The following DNAH6 variants were observed in gnomAD, a reference collection of about 807,000 sequenced individuals.
DNAH6 encodes the protein axonemal beta dynein heavy chain 6.
Under a neutral mutation model 491.4 loss-of-function variants are expected in DNAH6, and 340 were observed. That is an observed-to-expected ratio of 0.69 (90% CI 0.63 to 0.76). The LOEUF (loss-of-function observed/expected upper bound fraction) is 0.76, where lower values mean the gene tolerates loss of function less well. DNAH6 is among the 30% of genes least tolerant of loss of function. The pLI is 0.00. For synonymous variants in DNAH6, 1,603 were observed against 1,686.1 expected, an observed-to-expected ratio of 0.95 and a Z score of 1.21; for missense variants, 4,443 against 4,972.2, an observed-to-expected ratio of 0.89 and a Z score of 3.20.
chr2:84,604,995 G>A (rs895434030), intron 19 of DNAH6, among the ~76,000 whole-genome samples: 1 of 152,134 alleles, frequency 6.6e-6, no homozygotes, highest in South Asian at 2.1e-4. Context: ...ATGTGTTAAT[G>A]TCAATCAAAT....
At chr2:84,818,402 C>T (rs1057430778) in intron 76 of DNAH6, among the ~76,000 whole-genome samples, 1 of 140,066 alleles carries the variant, frequency 7.1e-6, no homozygotes, top group Non-Finnish European at 1.5e-5. Context: ...GCAGGAGGAT[C>T]GCTTGAGTCC....
At chr2:84,648,644 G>T (rs1690123398) in intron 33 of DNAH6, among the ~76,000 whole-genome samples, 1 of 152,204 alleles carries the variant, frequency 6.6e-6, no homozygotes, top group South Asian at 2.1e-4. Context: ...TAGAAGTGGA[G>T]CCTGAAGATG....
At chr2:84,617,768 C>A (rs1687017505) in intron 23 of DNAH6, among the ~76,000 whole-genome samples, 1 of 151,952 alleles carries the variant, frequency 6.6e-6, no homozygotes, top group African/African-American at 2.4e-5. Flanking sequence ...GAGCAATTTT[C>A]TTTAGATTAA....
chr2:84,504,752 G>T, the DNAH6 span, among the ~76,000 whole-genome samples: 8 of 152,152 alleles, frequency 5.3e-5, no homozygotes, highest in African/African-American at 1.9e-4. Context: ...ACACTGTTTT[G>T]ATAATTGTAG....
In DNAH6 at chr2:84,611,819, G is replaced by C. The variant is rs766033482; in HGVS notation, c.3440G>C (p.Arg1147Pro). The C allele has an allele frequency of 6.4e-7, 1 of 1,550,938 alleles. No homozygotes were observed. The highest frequency in any genetic ancestry group is 1.7e-4 in the Middle Eastern group (1 of 5,986). The change falls in exon 22 of 77, where the codon CGG becomes CCG. Residue 1147 changes from arginine to proline, a missense_variant. Transcript: ENST00000389394. ...AAAGAAATCATGAGAAAGGTGAATC[G>C]GCTGCCTAATGCTCTTCGAGCCGCT... ...SWKEIMRKVN[R>P]LPNALRAATQ...
chr2:84,626,039 G>A (rs1021296080), intron 29 of DNAH6, among the ~76,000 whole-genome samples: 5 of 152,026 alleles, frequency 3.3e-5, no homozygotes, highest in Admixed American at 3.3e-4. Context: ...ATACTCTCAT[G>A]AGAGAGTGAG....
chr2:84,495,625 C>T, the DNAH6 span, among the ~76,000 whole-genome samples: 1 of 152,142 alleles, frequency 6.6e-6, no homozygotes, highest in East Asian at 1.9e-4. Context: ...ATTATTAATT[C>T]TCATAACTAA....
chr2:84,784,833 A>G (rs1677025380), intron 66 of DNAH6, 23 bp downstream of exon 66: 2 of 1,469,566 alleles, frequency 1.4e-6, no homozygotes, highest in Non-Finnish European at 1.9e-6. Flanking sequence ...TATGGTTGGA[A>G]CAATGTGAAA....
intron 75 of DNAH6, 51 bp downstream of exon 75, chr2:84,814,173 T>G (rs1444817444): frequency 6.6e-7 from 1 of 1,524,586 alleles, no homozygotes; most frequent in Non-Finnish European, 8.9e-7. Context: ...CCACTGTCTT[T>G]GAAGATTTCA....
At chr2:84,538,245 T>A (rs1005294828) in intron 4 of DNAH6, among the ~76,000 whole-genome samples, 1 of 152,132 alleles carries the variant, frequency 6.6e-6, no homozygotes, top group African/African-American at 2.4e-5. Context: ...TTTCTGTACA[T>A]TAATCTTCTT....
chr2:84,571,547 A>G (rs1410836583), intron 11 of DNAH6, among the ~76,000 whole-genome samples: 1 of 152,200 alleles, frequency 6.6e-6, no homozygotes, highest in East Asian at 1.9e-4. Flanking sequence ...ATGCACATAT[A>G]CACACAACTG....
the DNAH6 span, among the ~76,000 whole-genome samples, chr2:84,504,644 T>G: frequency 1.3e-5 from 2 of 152,290 alleles, no homozygotes; most frequent in East Asian, 3.9e-4. Flanking sequence ...AACACTGTGG[T>G]TTTTGCAGAC....
rs1677267103 is a variant in DNAH6, at chr2:84,787,021, C to G, written c.11101-143C>G. 7.1e-6 allele frequency: 4 copies of G among 562,110 alleles called. No individual in the cohort carries two copies. The East Asian group carries it at 1.3e-4, about 18-fold the overall frequency. The allele number at this position is 562,110 out of a possible 1,614,324, so 34.8% of individuals were successfully genotyped here. A position where few individuals can be genotyped will look rare whatever the true frequency, so the allele number is the denominator to read the frequency against. ...CTTTCTCTGTTTGGTGAAAGCCTAGCTGAAGTTGAGCCACATGATTTTACT... is the reference window on the plus strand; with the variant it reads ...CTTTCTCTGTTTGGTGAAAGCCTAGGTGAAGTTGAGCCACATGATTTTACT... On this transcript the variant is annotated intron_variant, in intron 67 of 76. Coordinates refer to ENST00000389394, the MANE Select transcript of DNAH6 (RefSeq NM_001370.2).
chr2:84,467,523 C>T, the DNAH6 span, among the ~76,000 whole-genome samples: 1 of 152,174 alleles, frequency 6.6e-6, no homozygotes, highest in African/African-American at 2.4e-5. Flanking sequence ...TCCACATGTC[C>T]CAAGGCCGTA....
chr2:84,665,515 T>C (rs1441178127), intron 37 of DNAH6, among the ~76,000 whole-genome samples: 1 of 152,074 alleles, frequency 6.6e-6, no homozygotes, highest in East Asian at 1.9e-4. Flanking sequence ...ATGGATAAAT[T>C]CCTGGACACA....
chr2:84,605,955 T>C (rs1685716116), intron 20 of DNAH6, among the ~76,000 whole-genome samples: 1 of 151,714 alleles, frequency 6.6e-6, no homozygotes. Flanking sequence ...GAAAAAAAAA[T>C]AAAGGGCACT....
upstream of DNAH6, among the ~76,000 whole-genome samples, chr2:84,515,983 TTTC>T (rs1675563796): frequency 1.3e-5 from 2 of 152,140 alleles, no homozygotes; most frequent in Admixed American, 1.3e-4. Flanking sequence ...GGAGGCCACA[TTTC>T]TTGAGCCTTA....
At chr2:84,569,426 G>GA (rs1381519844) in intron 11 of DNAH6, among the ~76,000 whole-genome samples, 8 of 151,632 alleles carry the variant, frequency 5.3e-5, no homozygotes, top group African/African-American at 1.7e-4. Context: ...GGTAAAAAGT[G>GA]AAAAAAATGG....
chr2:84,470,781 C>A, the DNAH6 span, among the ~76,000 whole-genome samples: 1 of 152,160 alleles, frequency 6.6e-6, no homozygotes, highest in African/African-American at 2.4e-5. Flanking sequence ...TCACACCCAA[C>A]ACCAGGTCAT....
Sources: gnomAD v4.1 joint callset for allele counts (sites outside exome capture counted in the v4.1 genomes callset) on GRCh38, gnomAD v4.1.1 for gene constraint, MANE v1.5 for transcripts, NCBI Gene and HGNC (gene_info 2026-07-23, HGNC 2026-07-21) for gene names.